Variants in RYR2 observed in about 807,000 individuals in gnomAD.
RYR2 encodes ryanodine receptor 2.
A neutral mutation model predicts 601.1 loss-of-function variants in RYR2; 227 were observed. That is an observed-to-expected ratio of 0.38 (90% confidence interval 0.34 to 0.42). The LOEUF is 0.42. Among genes scored for constraint, RYR2 ranks in the 10% least tolerant of loss-of-function variants. The probability of loss-of-function intolerance (pLI) is 1.00; values close to 1 mark genes in which losing one functional copy is unlikely to be tolerated. For missense variants in RYR2, 4,646 were observed against 6,156.5 expected, an observed-to-expected ratio of 0.75 and a Z score of 8.21; for synonymous variants, 2,223 against 2,175.1, an observed-to-expected ratio of 1.02 and a Z score of -0.61.
intron 14 of RYR2, among the ~76,000 whole-genome samples, chr1:237,453,877 A>G (rs535378865): frequency 1.1e-3 from 166 of 152,322 alleles, no homozygotes; most frequent in Non-Finnish European, 1.9e-3. Context: ...ATAATAGAAA[A>G]GCATTTTAAT....
At chr1:237,745,772 A>C (rs1252889727) in intron 80 of RYR2, among the ~76,000 whole-genome samples, 1 of 152,196 alleles carries the variant, frequency 6.6e-6, no homozygotes, top group East Asian at 1.9e-4. Context: ...AAACCTGGCA[A>C]TTAATCCCAA....
intron 2 of RYR2, among the ~76,000 whole-genome samples, chr1:237,293,166 G>T (rs1558569294): frequency 2.0e-5 from 3 of 152,012 alleles, no homozygotes; most frequent in Non-Finnish European, 4.4e-5. Flanking sequence ...TCTTCAAGTT[G>T]ATGCCTTGGC....
chr1:237,733,639 G>A (rs1444684197), intron 78 of RYR2, 66 bp from the exon 79 acceptor site: 8 of 988,538 alleles, frequency 8.1e-6, no homozygotes, highest in South Asian at 2.6e-5. Flanking sequence ...TTTAAGCAGC[G>A]ATGATACGTG....
At chr1:237,561,953 T>C (rs924447797) in intron 27 of RYR2, among the ~76,000 whole-genome samples, 9 of 152,168 alleles carry the variant, frequency 5.9e-5, no homozygotes, top group African/African-American at 2.2e-4. Flanking sequence ...AGTCTGATTA[T>C]CACTAAGAGG....
intron 25 of RYR2, among the ~76,000 whole-genome samples, chr1:237,530,931 C>T (rs1668081552): frequency 6.6e-6 from 1 of 151,480 alleles, no homozygotes; most frequent in African/African-American, 2.4e-5. Flanking sequence ...AATTCAGATT[C>T]AAAAATTTAA....
At chr1:237,654,849 A>G (rs1323276486) in intron 52 of RYR2, among the ~76,000 whole-genome samples, 2 of 152,236 alleles carry the variant, frequency 1.3e-5, no homozygotes, top group African/African-American at 2.4e-5. Flanking sequence ...GGAGATTTAG[A>G]TACCGTCGCT....
intron 51 of RYR2, 59 bp downstream of exon 51, chr1:237,651,560 A>G (rs767537193): frequency 1.2e-5 from 13 of 1,047,660 alleles, no homozygotes; most frequent in Non-Finnish European, 1.9e-5. Context: ...TTTATTTTCT[A>G]TGACAACATA....
chr1:237,613,903 G>A lies in RYR2; in HGVS notation c.4911-136G>A, dbSNP rs116123906. 0.05 allele frequency: 36,711 copies of A among 740,134 alleles called. 1,212 individuals are homozygous for A. Among genetic ancestry groups the A allele is most frequent in the Non-Finnish European group, 0.06 (27,528 of 455,392 alleles). 45.8% of individuals were successfully genotyped at this position (740,134 alleles called of 1,614,324 possible). ...TTCTGGTCCCAAGCATTTCAGATTA[G>A]GGATGTTCAACCTGCAGTGTCTATT... On this transcript the variant is annotated intron_variant, in intron 36 of 104. Transcript: ENST00000366574.
intron 1 of RYR2, among the ~76,000 whole-genome samples, chr1:237,125,871 CAT>C (rs1300484964): frequency 2.0e-5 from 3 of 152,302 alleles, no homozygotes; most frequent in Middle Eastern, 3.4e-3. Flanking sequence ...TTGGCAAAGA[CAT>C]GTGGCAAGAA....
At chr1:237,411,128 G>A (rs954808089) in intron 10 of RYR2, among the ~76,000 whole-genome samples, 12 of 152,130 alleles carry the variant, frequency 7.9e-5, no homozygotes, top group African/African-American at 2.9e-4. Flanking sequence ...TAGAATGGTG[G>A]TAGCTAGAGG....
chr1:237,538,773 TA>T (rs5781964), intron 25 of RYR2, among the ~76,000 whole-genome samples: 141,621 of 151,326 alleles, frequency 0.94, 66,967 homozygotes, highest in East Asian at 1. Flanking sequence ...TCCGTCACAA[TA>T]AAAAAAATTA....
chr1:237,475,817 GCATGACCA>G, intron 17 of RYR2, among the ~76,000 whole-genome samples: 1 of 152,246 alleles, frequency 6.6e-6, no homozygotes, highest in East Asian at 1.9e-4. Context: ...CAGTTCATAC[GCATGACCA>G]CTCTGAATTC....
intron 1 of RYR2, among the ~76,000 whole-genome samples, chr1:237,139,958 C>T (rs907004746): frequency 2.0e-5 from 3 of 152,090 alleles, no homozygotes; most frequent in African/African-American, 7.3e-5. Context: ...GATGTGTAGG[C>T]GATGTGTGCC....
intron 2 of RYR2, among the ~76,000 whole-genome samples, chr1:237,281,252 C>T (rs1341520267): frequency 6.6e-6 from 1 of 152,138 alleles, no homozygotes; most frequent in East Asian, 1.9e-4. Context: ...GTGAGGAATA[C>T]AACATCAGTG....
In RYR2 at chr1:237,430,944, C is replaced by A. The variant is rs536307212; in HGVS notation, c.1005+7696C>A. On this transcript the variant is annotated intron_variant, in intron 12 of 104. Transcript: ENST00000366574. ...CAGGGATTCTGTTTCTGGAATTTGG[C>A]AATTGTGTAATGTCACAGGTTGCAT... Among the ~76,000 whole-genome samples, 5 of 152,256 alleles carry A rather than the reference C, an allele frequency of 3.3e-5. No homozygotes were observed. In the South Asian group the frequency reaches 1.0e-3, roughly 32 times the overall value.
In RYR2 at chr1:237,785,078, T is replaced by G. The variant is rs146214239; in HGVS notation, c.13260+106T>G. 42 of 832,780 alleles carry G rather than the reference T, an allele frequency of 5.0e-5. No individual in the cohort carries two copies. In the East Asian group the frequency reaches 1.1e-3, roughly 22 times the overall value. 51.6% of individuals were successfully genotyped at this position (832,780 alleles called of 1,614,324 possible). On this transcript the variant is annotated intron_variant, in intron 90 of 104. Coordinates refer to ENST00000366574, the MANE Select transcript of RYR2 (RefSeq NM_001035.3). ...GCTAGTGCCAGAACGGTGTTACCTATGTGACTTGAATTTCCAAAGAGAAAT... is the reference window on the plus strand; with the variant it reads ...GCTAGTGCCAGAACGGTGTTACCTAGGTGACTTGAATTTCCAAAGAGAAAT...
At position 237,687,437 on chromosome 1, in the gene RYR2, T is replaced by C. The variant is rs754428105; in HGVS notation, c.9018-18T>C. 3 of 1,536,660 alleles carry C rather than the reference T, an allele frequency of 2.0e-6. No homozygotes were observed. Among genetic ancestry groups the C allele is most frequent in the African/African-American group, 2.7e-5 (2 of 73,302 alleles). Reference sequence around the variant, plus strand: ...CTTCCCCCTTCCCTTTTCTCTTTTGTTTTTCTTTTGTCTTCAGCCTATTCT... The same window carrying C: ...CTTCCCCCTTCCCTTTTCTCTTTTGCTTTTCTTTTGTCTTCAGCCTATTCT... On this transcript the variant is annotated intron_variant, in intron 62 of 104. Coordinates refer to ENST00000366574, the MANE Select transcript of RYR2 (RefSeq NM_001035.3).
At chr1:237,061,292 T>TCTATC (rs1662852321) in intron 1 of RYR2, among the ~76,000 whole-genome samples, 8 of 58,268 alleles carry the variant, frequency 1.4e-4, no homozygotes, top group Admixed American at 1.9e-4. Context: ...TCTATCTATC[T>TCTATC]ATCTATCTAT....
chr1:237,726,384 C>A (rs1690200166), intron 75 of RYR2, 76 bp downstream of exon 75: 1 of 882,598 alleles, frequency 1.1e-6, no homozygotes, highest in Non-Finnish European at 1.8e-6. Flanking sequence ...CTTTCTAATA[C>A]AATTAATCTC....
Sources: allele counts gnomAD v4.1 joint callset (sites outside exome capture counted in the v4.1 genomes callset), GRCh38; gene constraint gnomAD v4.1.1; transcripts MANE v1.5; gene names NCBI Gene and HGNC (gene_info 2026-07-23, HGNC 2026-07-21).